The following LIPG variants were observed in gnomAD, a reference collection of about 807,000 sequenced individuals.
LIPG encodes endothelial lipase.
In LIPG, 34 loss-of-function variants were observed where a neutral mutation model predicts 51.8. That is an observed-to-expected ratio of 0.66 (90% CI 0.50 to 0.87). The LOEUF (loss-of-function observed/expected upper bound fraction) is 0.87, where lower values mean the gene tolerates loss of function less well. LIPG is among the 40% of genes least tolerant of loss of function. The probability of loss-of-function intolerance (pLI) is 0.00; values close to 1 mark genes in which losing one functional copy is unlikely to be tolerated. For synonymous variants in LIPG, 246 were observed against 246.1 expected (o/e 1.00, Z 0.00); for missense variants, 580 against 652.7 (o/e 0.89, Z 1.21).
At chr18:49,583,347 G>A (rs1302103243) in intron 7 of LIPG, among the ~76,000 whole-genome samples, 1 of 152,144 alleles carries the variant, frequency 6.6e-6, no homozygotes, top group Non-Finnish European at 1.5e-5. Flanking sequence ...CTGGGGTGCT[G>A]AGGGCAAAGT....
chr18:49,575,062 G>C (rs1342714392), intron 4 of LIPG, among the ~76,000 whole-genome samples: 1 of 152,184 alleles, frequency 6.6e-6, no homozygotes, highest in East Asian at 1.9e-4. Context: ...GCAGTTCCTT[G>C]GAGCTGTGTG....
chr18:49,567,052 G>C (rs2084613067), intron 2 of LIPG, among the ~76,000 whole-genome samples: 1 of 152,174 alleles, frequency 6.6e-6, no homozygotes, highest in Non-Finnish European at 1.5e-5. Flanking sequence ...AATTGTCTGG[G>C]GGCACTGGGC....
In LIPG at chr18:49,569,475, C is replaced by T. The variant is rs771374032; in HGVS notation, c.498C>T (p.Ile166=). 1.5e-5 allele frequency: 24 copies of T among 1,614,182 alleles called. No individual in the cohort carries two copies. Among genetic ancestry groups the T allele is most frequent in the Non-Finnish European group, 1.8e-5 (21 of 1,180,038 alleles). Residue 166 remains isoleucine (I), a synonymous_variant, in exon 4 of 10, where the codon ATC becomes ATT. Coordinates refer to ENST00000261292, the MANE Select transcript of LIPG (RefSeq NM_006033.4). ...DDFSLGNVHL[I]GYSLGAHVAG... The stretch of plus-strand genomic sequence containing the variant: ...TTTCTCTCGGGAATGTCCACTTGAT[C>T]GGCTACAGCCTCGGAGCGCACGTGG...
At chr18:49,588,039 C>A (rs545814681) in intron 9 of LIPG, among the ~76,000 whole-genome samples, 1 of 152,300 alleles carries the variant, frequency 6.6e-6, no homozygotes, top group East Asian at 1.9e-4. Flanking sequence ...ATCCGCCTGC[C>A]TTGGCCTCCC....
chr18:49,570,844 A>G (rs940950511), intron 4 of LIPG, among the ~76,000 whole-genome samples: 2 of 152,108 alleles, frequency 1.3e-5, no homozygotes, highest in Non-Finnish European at 2.9e-5. Context: ...ACAAAACAAA[A>G]CTCAGGTAGA....
chr18:49,586,320 A>G (rs182470067), intron 8 of LIPG, among the ~76,000 whole-genome samples: 1 of 152,370 alleles, frequency 6.6e-6, no homozygotes, highest in East Asian at 1.9e-4. Context: ...ATGTTTTAAA[A>G]TAAAACATTT....
At position 49,597,026 on chromosome 18, in the gene LIPG, G is replaced by A. The variant is rs142806888; in HGVS notation, c.*6504G>A. 9.2e-5 allele frequency: 14 copies of A among 152,322 alleles called. No individual in the cohort carries two copies. Among genetic ancestry groups the A allele is most frequent in the African/African-American group, 3.1e-4 (13 of 41,558 alleles). The allele number at this position is 152,322 out of a possible 1,614,324, so 9.4% of individuals were successfully genotyped here. A position where few individuals can be genotyped will look rare whatever the true frequency, so the allele number is the denominator to read the frequency against. On this transcript the variant is annotated 3_prime_UTR_variant, in exon 10 of 10. Transcript: ENST00000261292. ...TCTGCATTGTTTAAAGAAGACGTTT[G>A]TTAATCCAAATTAATCTTTGATTTG... is the stretch of plus-strand genomic sequence containing the variant.
Position 49,597,265 on chromosome 18 carries a change from GTTGA to G in LIPG, c.*6746_*6749del, listed in dbSNP as rs2059368634. ...CCCTAAAATATTCCTGATTTTCACA[GTTGA>G]TTTCATTTCTTCCCTCCTGAACTTA... On this transcript the variant is annotated 3_prime_UTR_variant, in exon 10 of 10. Transcript: ENST00000261292. The G allele has an allele frequency of 6.6e-6, 1 of 152,156 alleles. No individual in the cohort carries two copies. The highest frequency in any genetic ancestry group is 1.5e-5 in the Non-Finnish European group (1 of 68,042). The allele number at this position is 152,156 out of a possible 1,614,324, so 9.4% of individuals were successfully genotyped here.
At chr18:49,568,512 C>A (rs143025143) in intron 3 of LIPG, among the ~76,000 whole-genome samples, 100 of 152,146 alleles carry the variant, frequency 6.6e-4, no homozygotes, top group South Asian at 5.0e-3. Context: ...TCCCAAGTAG[C>A]TGGTTTTACA....
Position 49,590,748 on chromosome 18 carries a change from T to A in LIPG, c.*226T>A, listed in dbSNP as rs1021513519. The A allele has an allele frequency of 9.9e-6, 6 of 607,424 alleles. No homozygotes were observed. In the East Asian group the frequency reaches 1.7e-4, roughly 17 times the overall value. 37.6% of individuals were successfully genotyped at this position (607,424 alleles called of 1,614,324 possible). A position where few individuals can be genotyped will look rare whatever the true frequency, so the allele number is the denominator to read the frequency against. ...TCTTGAATAGCTCTAACTCCAAACCTCTGTCCACACCTCCAGAGCACCAAG... is the reference window on the plus strand; with the variant it reads ...TCTTGAATAGCTCTAACTCCAAACCACTGTCCACACCTCCAGAGCACCAAG... On this transcript the variant is annotated 3_prime_UTR_variant, in exon 10 of 10. Coordinates refer to ENST00000261292, the MANE Select transcript of LIPG (RefSeq NM_006033.4).
At chr18:49,582,614 GGTGGT>G in intron 7 of LIPG, 132 bp downstream of exon 7, 10 of 1,229,196 alleles carry the variant, frequency 8.1e-6, no homozygotes, top group Non-Finnish European at 1.2e-5. Flanking sequence ...GGAGGAGCCA[GGTGGT>G]CTAGCTGGCC....
At chr18:49,562,625 C>T (rs1202317256) in intron 1 of LIPG, among the ~76,000 whole-genome samples, 3 of 152,188 alleles carry the variant, frequency 2.0e-5, no homozygotes, top group African/African-American at 7.2e-5. Flanking sequence ...TGGCAGGGTG[C>T]GCTGGCTCTT....
At chr18:49,561,871 G>C (rs541447271), upstream of LIPG, 10 of 1,268,110 alleles carry the variant, frequency 7.9e-6, no homozygotes, top group Non-Finnish European at 9.9e-6. Context: ...AAGCGGGGCC[G>C]AGCGTGCGGC....
At position 49,596,635 on chromosome 18, in the gene LIPG, CAAAAAAAAAAAAA is replaced by C. The variant is rs35773018; in HGVS notation, c.*6124_*6136del. 1 of 55,946 alleles carries C rather than the reference CAAAAAAAAAAAAA, an allele frequency of 1.8e-5. No homozygotes were observed. The highest frequency in any genetic ancestry group is 8.6e-4 in the South Asian group (1 of 1,162). 3.5% of individuals were successfully genotyped at this position (55,946 alleles called of 1,614,324 possible). ...GGGCAACAAGAGCAAATCTCTATCT[CAAAAAAAAAAAAA>C]AAAAAAAAAAGGCCACAGAAATGTC... On this transcript the variant is annotated 3_prime_UTR_variant, in exon 10 of 10. Transcript: ENST00000261292.
In LIPG at chr18:49,592,171, C is replaced by G. The variant is rs2084952198; in HGVS notation, c.*1649C>G. ...GGACATTGTTTTAATCTGTATCGTG[C>G]CAAAGTTGTATCACTGTTAAACTTC... On this transcript the variant is annotated 3_prime_UTR_variant, in exon 10 of 10. Transcript: ENST00000261292. 6.6e-6 allele frequency: 1 copy of G among 152,106 alleles called. No individual in the cohort carries two copies. Among genetic ancestry groups the G allele is most frequent in the African/African-American group, 2.4e-5 (1 of 41,414 alleles). The allele number at this position is 152,106 out of a possible 1,614,324, so 9.4% of individuals were successfully genotyped here. A position where few individuals can be genotyped will look rare whatever the true frequency, so the allele number is the denominator to read the frequency against.
At chr18:49,589,055 G>A (rs1206852102) in intron 9 of LIPG, among the ~76,000 whole-genome samples, 1 of 152,178 alleles carries the variant, frequency 6.6e-6, no homozygotes, top group Non-Finnish European at 1.5e-5. Flanking sequence ...GGGAGTTGAA[G>A]CAGGTCGGTC....
intron 9 of LIPG, among the ~76,000 whole-genome samples, chr18:49,587,141 G>T (rs868137116): frequency 8.6e-5 from 13 of 151,544 alleles, no homozygotes; most frequent in Middle Eastern, 3.4e-3. Context: ...GGGCATGGTG[G>T]TGTGTGCCTG....
chr18:49,565,874 A>ATG, intron 2 of LIPG, among the ~76,000 whole-genome samples: 1 of 152,184 alleles, frequency 6.6e-6, no homozygotes, highest in Non-Finnish European at 1.5e-5. Flanking sequence ...TGGCTCTGAG[A>ATG]ACCTATGAGT....
At chr18:49,575,228 C>T (rs2084703234) in intron 4 of LIPG, 141 bp from the exon 5 acceptor site, 3 of 646,246 alleles carry the variant, frequency 4.6e-6, no homozygotes, top group African/African-American at 1.8e-5. Flanking sequence ...TTATTTTCTT[C>T]CATGCTTTCC....
Sources: allele counts gnomAD v4.1 joint callset (sites outside exome capture counted in the v4.1 genomes callset), GRCh38; gene constraint gnomAD v4.1.1; transcripts MANE v1.5; gene names NCBI Gene and HGNC (gene_info 2026-07-23, HGNC 2026-07-21).